The following HEMK2 variants were observed in gnomAD, a reference collection of about 807,000 sequenced individuals.
HEMK2 encodes methyltransferase HEMK2.
chr21:28,828,471 A>G, the HEMK2 span, among the ~76,000 whole-genome samples: 1 of 152,208 alleles, frequency 6.6e-6, no homozygotes, highest in African/African-American at 2.4e-5. Flanking sequence ...AAGAACTACT[A>G]GGTGAACACT....
chr21:28,774,598 GA>G, the HEMK2 span, among the ~76,000 whole-genome samples: 15 of 150,534 alleles, frequency 1.0e-4, no homozygotes, highest in Admixed American at 6.6e-5. Context: ...TAAAAAAAAA[GA>G]AAAAAGAAAT....
the HEMK2 span, among the ~76,000 whole-genome samples, chr21:28,644,978 T>C: frequency 1.3e-3 from 202 of 152,256 alleles, 1 homozygote; most frequent in Admixed American, 4.1e-3. Flanking sequence ...TTTGGTGAGT[T>C]ATAGGAATGG....
the HEMK2 span, among the ~76,000 whole-genome samples, chr21:28,620,468 A>G: frequency 2.0e-5 from 3 of 151,764 alleles, no homozygotes; most frequent in Admixed American, 2.0e-4. Flanking sequence ...CTATTCAGGG[A>G]TTTGACTTCT....
At chr21:28,637,176 C>T in the HEMK2 span, among the ~76,000 whole-genome samples, 7 of 152,164 alleles carry the variant, frequency 4.6e-5, no homozygotes, top group East Asian at 1.4e-3. Flanking sequence ...ACTGACTCAG[C>T]CTTGCCACAA....
At chr21:28,576,222 C>T in the HEMK2 span, among the ~76,000 whole-genome samples, 1 of 152,300 alleles carries the variant, frequency 6.6e-6, no homozygotes, top group Middle Eastern at 3.4e-3. Context: ...ATATGAGTTC[C>T]AGTTGCTCCA....
the HEMK2 span, among the ~76,000 whole-genome samples, chr21:28,821,059 T>G: frequency 3.9e-5 from 6 of 152,226 alleles, no homozygotes; most frequent in Non-Finnish European, 7.3e-5. Flanking sequence ...CTGTGACTCT[T>G]AATAAAGATA....
the HEMK2 span, among the ~76,000 whole-genome samples, chr21:28,878,862 C>A: frequency 6.7e-6 from 1 of 150,080 alleles, no homozygotes; most frequent in Non-Finnish European, 1.5e-5. Context: ...ATGCATCTGG[C>A]CCTCTTGTAG....
chr21:28,666,402 A>G, the HEMK2 span, among the ~76,000 whole-genome samples: 1 of 152,244 alleles, frequency 6.6e-6, no homozygotes, highest in Non-Finnish European at 1.5e-5. Context: ...AATACTAGAA[A>G]AGGAGTTTAG....
chr21:28,598,713 T>C, the HEMK2 span, among the ~76,000 whole-genome samples: 1 of 152,180 alleles, frequency 6.6e-6, no homozygotes, highest in African/African-American at 2.4e-5. Flanking sequence ...TAGGGATTCC[T>C]GGGAATTCTA....
the HEMK2 span, chr21:28,872,933 C>T: frequency 6.6e-6 from 1 of 152,234 alleles, no homozygotes; most frequent in Admixed American, 6.5e-5. Context: ...TAAACACACT[C>T]AAGACACTTC....
chr21:28,798,120 C>T, the HEMK2 span, among the ~76,000 whole-genome samples: 19,142 of 152,100 alleles, frequency 0.13, 1,662 homozygotes, highest in African/African-American at 0.24. Flanking sequence ...TTCTCTCCTT[C>T]GTTCATCAAG....
At chr21:28,808,425 A>T in the HEMK2 span, among the ~76,000 whole-genome samples, 1 of 151,436 alleles carries the variant, frequency 6.6e-6, no homozygotes, top group Non-Finnish European at 1.5e-5. Flanking sequence ...AAAAAAAAAA[A>T]GCCTACTGGA....
the HEMK2 span, among the ~76,000 whole-genome samples, chr21:28,614,877 T>C: frequency 3.9e-5 from 6 of 152,278 alleles, no homozygotes; most frequent in South Asian, 2.1e-4. Flanking sequence ...CTTCAGAGCA[T>C]TGAGTGATAT....
the HEMK2 span, among the ~76,000 whole-genome samples, chr21:28,692,781 A>G: frequency 6.6e-6 from 1 of 152,198 alleles, no homozygotes; most frequent in Non-Finnish European, 1.5e-5. Flanking sequence ...AAGGATGAAC[A>G]AAGTGTGGTA....
chr21:28,857,604 T>A, the HEMK2 span, among the ~76,000 whole-genome samples: 1 of 152,214 alleles, frequency 6.6e-6, no homozygotes, highest in South Asian at 2.1e-4. Context: ...ATACTCTTCA[T>A]AAACTGTTCC....
At chr21:28,819,972 TATC>T in the HEMK2 span, among the ~76,000 whole-genome samples, 96 of 152,284 alleles carry the variant, frequency 6.3e-4, no homozygotes, top group African/African-American at 2.2e-3. Flanking sequence ...GCCTCAGAAA[TATC>T]ATTCTGGCTG....
the HEMK2 span, among the ~76,000 whole-genome samples, chr21:28,800,991 G>A: frequency 6.6e-6 from 1 of 152,194 alleles, no homozygotes; most frequent in African/African-American, 2.4e-5. Flanking sequence ...AGGGAGAAAG[G>A]GTGAACAGAC....
chr21:28,828,563 C>T, the HEMK2 span, among the ~76,000 whole-genome samples: 2 of 152,298 alleles, frequency 1.3e-5, no homozygotes, highest in East Asian at 3.9e-4. Flanking sequence ...TAAGAAGCTA[C>T]TAGACACTAA....
chr21:28,873,956 A>G, the HEMK2 span: 2 of 152,042 alleles, frequency 1.3e-5, no homozygotes, highest in African/African-American at 4.8e-5. Flanking sequence ...TCCTATTCTG[A>G]CCCCTTGATT....
Sources: gnomAD v4.1 joint callset for allele counts (sites outside exome capture counted in the v4.1 genomes callset) on GRCh38, gnomAD v4.1.1 for gene constraint, MANE v1.5 for transcripts, NCBI Gene and HGNC (gene_info 2026-07-23, HGNC 2026-07-21) for gene names.